SLF2: variants seen among roughly 807,000 people sequenced by gnomAD.
SLF2 encodes the protein SMC5-SMC6 complex localization factor protein 2.
In SLF2, 68 loss-of-function variants were observed where a neutral mutation model predicts 124.3. The observed-to-expected ratio is 0.55, with a 90% CI of 0.45 to 0.67. The LOEUF (loss-of-function observed/expected upper bound fraction) is 0.67. SLF2 is among the 30% of genes least tolerant of loss of function. The pLI is 0.00. For missense variants in SLF2, 1,246 were observed against 1,373.7 expected, an observed-to-expected ratio of 0.91 and a Z score of 1.47; for synonymous variants, 480 against 478.8, an observed-to-expected ratio of 1.00 and a Z score of -0.03.
chr10:100,964,709 T>C lies in SLF2; in HGVS notation c.*2797T>C, dbSNP rs1850479917. On this transcript the variant is annotated 3_prime_UTR_variant, in exon 20 of 20. Transcript: ENST00000238961. ...ATTTTTATTTTTATCAAAACAAATATAATTGGTGGGGACTGGCCAGTAATA... is the reference window on the plus strand; with the variant it reads ...ATTTTTATTTTTATCAAAACAAATACAATTGGTGGGGACTGGCCAGTAATA... The C allele has an allele frequency of 6.6e-6, 1 of 152,624 alleles. No homozygotes were observed. The highest frequency in any genetic ancestry group is 1.9e-4 in the East Asian group (1 of 5,192). 9.5% of individuals were successfully genotyped at this position (152,624 alleles called of 1,614,324 possible). A position where few individuals can be genotyped will look rare whatever the true frequency, so the allele number is the denominator to read the frequency against.
chr10:100,924,139 CT>C lies in SLF2; in HGVS notation c.1139del (p.Leu380ArgfsTer10). On this transcript the variant is annotated frameshift_variant, in exon 5 of 20. Coordinates refer to ENST00000238961, the MANE Select transcript of SLF2 (RefSeq NM_018121.4). LOFTEE classifies it high-confidence loss of function. Reference protein sequence around the residue: ...QKEKFIKHIALKTPGDVLRLE... With the variant: ...QKEKFIKHIAXKTPGDVLRLE... ...AGAAAAATTTATAAAACATATTGCA[CT>C]GAAGACACCTGGTGATGTGTTGCGC... 6.2e-7 allele frequency: 1 copy of C among 1,613,608 alleles called. No homozygotes were observed. Among genetic ancestry groups the C allele is most frequent in the Non-Finnish European group, 8.5e-7 (1 of 1,179,898 alleles).
Position 100,917,218 on chromosome 10 carries a change from G to C in SLF2, c.833G>C (p.Ser278Thr). 1 of 1,613,996 alleles carries C rather than the reference G, an allele frequency of 6.2e-7. No individual in the cohort carries two copies. Among genetic ancestry groups the C allele is most frequent in the South Asian group, 1.1e-5 (1 of 91,074 alleles). Residue 278 changes from serine to threonine, a missense_variant, in exon 3 of 20, where the codon AGT becomes ACT. This residue lies in a region of SLF2 where 698 missense variants were observed against 708.9 expected (regional missense o/e 0.98). Transcript: ENST00000238961. ...GCAAGCAGTCTTTCCTTAAAATCTA[G>C]TATAGAAAGAAAATATAAACCAAGG... ...SEASSLSLKS[S>T]IERKYKPRQE...
chr10:100,945,283 A>G, intron 12 of SLF2, 47 bp from the exon 13 acceptor site: 1 of 1,454,890 alleles, frequency 6.9e-7, no homozygotes. Flanking sequence ...TCTAAAAGTA[A>G]AATATACCTC....
chr10:100,921,680 A>G (rs888116346), intron 4 of SLF2, among the ~76,000 whole-genome samples: 1 of 152,218 alleles, frequency 6.6e-6, no homozygotes, highest in Non-Finnish European at 1.5e-5. Context: ...TCAACCCTGA[A>G]TAATGCCTGA....
At position 100,926,294 on chromosome 10, in the gene SLF2, G is replaced by A. The variant is rs1195736843; in HGVS notation, c.2042+275G>A. 4.1e-6 allele frequency: 6 copies of A among 1,462,624 alleles called. No individual in the cohort carries two copies. The East Asian group carries it at 9.9e-5, about 24-fold the overall frequency. 90.6% of individuals were successfully genotyped at this position (1,462,624 alleles called of 1,614,324 possible). A position where few individuals can be genotyped will look rare whatever the true frequency, so the allele number is the denominator to read the frequency against. ...ACTTCACTGCAGCCTGGGTGGCAGA[G>A]TGAGACCCAGTCTCAAATGAAAAAA... On this transcript the variant is annotated intron_variant, in intron 6 of 19. Transcript: ENST00000238961.
intron 19 of SLF2, among the ~76,000 whole-genome samples, chr10:100,960,570 G>A (rs936457707): frequency 6.6e-6 from 1 of 152,112 alleles, no homozygotes; most frequent in Non-Finnish European, 1.5e-5. Context: ...TTGCAGAAAT[G>A]TCTATTCAGA....
At chr10:100,941,355 T>A (rs1333407330) in intron 11 of SLF2, among the ~76,000 whole-genome samples, 2 of 152,206 alleles carry the variant, frequency 1.3e-5, no homozygotes, top group African/African-American at 4.8e-5. Context: ...ATACATAGAC[T>A]TAAAATTTAA....
At chr10:100,926,984 T>C (rs1849627539) in intron 6 of SLF2, among the ~76,000 whole-genome samples, 1 of 152,046 alleles carries the variant, frequency 6.6e-6, no homozygotes. Context: ...TTTTATAGTA[T>C]ACTGCACTAA....
At chr10:100,952,880 A>G (rs1489317021) in intron 17 of SLF2, among the ~76,000 whole-genome samples, 1 of 152,108 alleles carries the variant, frequency 6.6e-6, no homozygotes, top group East Asian at 1.9e-4. Flanking sequence ...CGAAGGTTGC[A>G]GTGAGCTGAG....
intron 6 of SLF2, among the ~76,000 whole-genome samples, chr10:100,928,084 A>G (rs972848598): frequency 1.3e-4 from 6 of 45,390 alleles, no homozygotes; most frequent in Non-Finnish European, 4.1e-4. Context: ...AGAGACAGAG[A>G]GAGAGAGAGA....
At chr10:100,914,810 G>T (rs1849385437) in intron 1 of SLF2, among the ~76,000 whole-genome samples, 1 of 152,180 alleles carries the variant, frequency 6.6e-6, no homozygotes, top group African/African-American at 2.4e-5. Flanking sequence ...GATGTGCATT[G>T]CTCTTCTAAT....
intron 17 of SLF2, among the ~76,000 whole-genome samples, 191 bp downstream of exon 17, chr10:100,950,944 T>C (rs1850199692): frequency 6.6e-6 from 1 of 152,158 alleles, no homozygotes; most frequent in South Asian, 2.1e-4. Flanking sequence ...CTATATCGTA[T>C]TGAAAAGAAT....
chr10:100,941,119 C>G (rs1162745524), intron 11 of SLF2, among the ~76,000 whole-genome samples: 1 of 152,064 alleles, frequency 6.6e-6, no homozygotes, highest in Non-Finnish European at 1.5e-5. Context: ...GGATTACAGG[C>G]ATGAGCCACT....
At chr10:100,914,581 TCTCTC>T (rs1849380961) in intron 1 of SLF2, among the ~76,000 whole-genome samples, 1 of 152,198 alleles carries the variant, frequency 6.6e-6, no homozygotes. Flanking sequence ...TCCCTTCCCA[TCTCTC>T]CTCAATCAAT....
At chr10:100,941,716 C>T (rs1849985638) in intron 11 of SLF2, among the ~76,000 whole-genome samples, 1 of 152,234 alleles carries the variant, frequency 6.6e-6, no homozygotes, top group Non-Finnish European at 1.5e-5. Flanking sequence ...ATGACTAGCC[C>T]TTATATAGTG....
intron 17 of SLF2, among the ~76,000 whole-genome samples, chr10:100,952,618 T>C (rs146053196): frequency 1.3e-5 from 2 of 152,068 alleles, no homozygotes; most frequent in African/African-American, 2.4e-5. Context: ...CTAATTCTTA[T>C]GTTTTTATAA....
chr10:100,925,332 G>A (rs1004921468), intron 5 of SLF2, among the ~76,000 whole-genome samples: 4 of 152,184 alleles, frequency 2.6e-5, no homozygotes, highest in Non-Finnish European at 5.9e-5. Flanking sequence ...GTATTTTCCT[G>A]TAGAAGTGAC....
In SLF2 at chr10:100,962,016, T is replaced by G. The variant is rs1230812638; in HGVS notation, c.*104T>G. The G allele has an allele frequency of 9.3e-7, 1 of 1,079,540 alleles. No homozygotes were observed. The highest frequency in any genetic ancestry group is 2.2e-5 in the Admixed American group (1 of 44,500). 66.9% of individuals were successfully genotyped at this position (1,079,540 alleles called of 1,614,324 possible). A position where few individuals can be genotyped will look rare whatever the true frequency, so the allele number is the denominator to read the frequency against. On this transcript the variant is annotated 3_prime_UTR_variant, in exon 20 of 20. Transcript: ENST00000238961. ...CAGAATCCAATGAATGCCAAGAAAA[T>G]GTACAGCAAATGTGCCACTTGAATA...
chr10:100,927,756 A>G (rs1424469461), intron 6 of SLF2, among the ~76,000 whole-genome samples: 1 of 152,004 alleles, frequency 6.6e-6, no homozygotes, highest in Non-Finnish European at 1.5e-5. Flanking sequence ...ACATTATTTT[A>G]TCTTTGTTTT....
Sources: allele counts gnomAD v4.1 joint callset (sites outside exome capture counted in the v4.1 genomes callset), GRCh38; gene constraint gnomAD v4.1.1; regional missense constraint gnomAD v4.1.1; transcripts MANE v1.5; gene names NCBI Gene and HGNC (gene_info 2026-07-23, HGNC 2026-07-21).